The following SNX7 variants were observed in gnomAD, a reference collection of about 807,000 sequenced individuals.
SNX7 encodes the protein sorting nexin 7.
Under a neutral mutation model 48.4 loss-of-function variants are expected in SNX7, and 35 were observed. The observed-to-expected ratio is 0.72, with a 90% confidence interval of 0.55 to 0.96. SNX7 has a LOEUF of 0.96. SNX7 is among the 40% of genes least tolerant of loss of function. The pLI, the probability that SNX7 is intolerant of heterozygous loss-of-function variation, is 0.00. For synonymous variants in SNX7, 190 were observed against 190.2 expected (o/e 1.00, Z 0.01); for missense variants, 553 against 548.9 (o/e 1.01, Z -0.07).
At chr1:98,684,849 C>T in intron 1 of SNX7, 36 bp from the exon 2 acceptor site, 2 of 1,371,374 alleles carry the variant, frequency 1.5e-6, no homozygotes, top group Non-Finnish European at 1.9e-6. Context: ...TTTAATTTTT[C>T]TATTGATACT....
At chr1:98,756,422 G>GTTTTTTT (rs35117249) in intron 8 of SNX7, among the ~76,000 whole-genome samples, 36 of 54,682 alleles carry the variant, frequency 6.6e-4, no homozygotes, top group Non-Finnish European at 8.6e-4. Flanking sequence ...TGCCAGATGA[G>GTTTTTTT]TTTTTTTTTT....
intron 1 of SNX7, among the ~76,000 whole-genome samples, chr1:98,663,242 GTTTC>G (rs1649345477): frequency 8.0e-6 from 1 of 124,298 alleles, no homozygotes; most frequent in Non-Finnish European, 1.6e-5. Flanking sequence ...AATCATCAGG[GTTTC>G]TTTCTGGTTT....
In SNX7 at chr1:98,664,857, A is replaced by G. The variant is rs1262876798; in HGVS notation, c.180+2946A>G. On this transcript the variant is annotated intron_variant, in intron 1 of 8. Coordinates refer to ENST00000306121, the MANE Select transcript of SNX7 (RefSeq NM_015976.5). ...TAGAAGGAAGAGAACAGAACCAATC[A>G]TACAAAAACAGTAAAAATAAAAAAA... Among the ~76,000 whole-genome samples the G allele has an allele frequency of 2.6e-5, 4 of 152,312 alleles. 1 individual carries two copies. Among genetic ancestry groups the G allele is most frequent in the Middle Eastern group, 3.4e-3 (1 of 294 alleles).
chr1:98,663,755 T>C (rs1649396230), intron 1 of SNX7, among the ~76,000 whole-genome samples: 1 of 152,218 alleles, frequency 6.6e-6, no homozygotes, highest in South Asian at 2.1e-4. Flanking sequence ...TTGTATTCTT[T>C]TAAAAGGGGA....
At chr1:98,741,696 G>A (rs1260889410) in intron 8 of SNX7, among the ~76,000 whole-genome samples, 1 of 152,066 alleles carries the variant, frequency 6.6e-6, no homozygotes, top group East Asian at 1.9e-4. Context: ...CTAATGTGAA[G>A]GGATTCTAAA....
intron 7 of SNX7, 28 bp downstream of exon 7, chr1:98,701,931 C>A: frequency 6.7e-7 from 1 of 1,483,842 alleles, no homozygotes; most frequent in Non-Finnish European, 9.3e-7. Context: ...TTGATACAAT[C>A]ATATAGAATT....
At chr1:98,676,042 T>G (rs1650143449) in intron 1 of SNX7, among the ~76,000 whole-genome samples, 1 of 152,132 alleles carries the variant, frequency 6.6e-6, no homozygotes, top group Non-Finnish European at 1.5e-5. Context: ...AGAAAAATAT[T>G]AAACCCAACA....
At chr1:98,728,706 A>C (rs1653325561) in intron 7 of SNX7, among the ~76,000 whole-genome samples, 1 of 152,138 alleles carries the variant, frequency 6.6e-6, no homozygotes, top group Non-Finnish European at 1.5e-5. Context: ...CAAGGGTATT[A>C]CATAATGGTA....
At chr1:98,753,046 A>T (rs1384579576) in intron 8 of SNX7, among the ~76,000 whole-genome samples, 2 of 152,070 alleles carry the variant, frequency 1.3e-5, no homozygotes, top group Non-Finnish European at 2.9e-5. Context: ...GAGATTTATC[A>T]TATAAACACA....
chr1:98,716,496 G>GAAAGGAAGAGCA (rs1214495756), intron 7 of SNX7, among the ~76,000 whole-genome samples: 3 of 152,170 alleles, frequency 2.0e-5, no homozygotes, highest in African/African-American at 7.2e-5. Flanking sequence ...AGAGTTTATA[G>GAAAGGAAGAGCA]TTGCTCTCAA....
At chr1:98,663,055 T>C (rs566144219) in intron 1 of SNX7, among the ~76,000 whole-genome samples, 1 of 152,346 alleles carries the variant, frequency 6.6e-6, no homozygotes, top group East Asian at 1.9e-4. Flanking sequence ...TGTTTAGTTG[T>C]AAACTCTGCC....
chr1:98,690,612 C>G (rs1297869755), intron 2 of SNX7, among the ~76,000 whole-genome samples: 1 of 151,966 alleles, frequency 6.6e-6, no homozygotes, highest in Non-Finnish European at 1.5e-5. Flanking sequence ...TGAGCAAATT[C>G]CAAGAAAACA....
chr1:98,684,097 C>T (rs61309444), intron 1 of SNX7, among the ~76,000 whole-genome samples: 5 of 152,150 alleles, frequency 3.3e-5, no homozygotes, highest in African/African-American at 1.2e-4. Context: ...ATTCTTGAAC[C>T]TTTCTGGCAT....
intron 8 of SNX7, among the ~76,000 whole-genome samples, chr1:98,750,843 A>G (rs185542685): frequency 3.8e-4 from 58 of 152,214 alleles, no homozygotes; most frequent in African/African-American, 1.1e-3. Flanking sequence ...GTTATCTTAT[A>G]AATACCAAAT....
chr1:98,661,669 G>T, upstream of SNX7: 2 of 1,183,632 alleles, frequency 1.7e-6, no homozygotes, highest in South Asian at 8.4e-5. Flanking sequence ...GGAGCCAATG[G>T]GCACGCTCGG....
chr1:98,669,572 C>T (rs568796885), intron 1 of SNX7, among the ~76,000 whole-genome samples: 1 of 152,320 alleles, frequency 6.6e-6, no homozygotes, highest in Non-Finnish European at 1.5e-5. Flanking sequence ...GAGCTGGTTA[C>T]AAATGCAGTC....
chr1:98,686,762 T>C (rs991639993), intron 2 of SNX7, among the ~76,000 whole-genome samples: 11 of 152,158 alleles, frequency 7.2e-5, no homozygotes, highest in African/African-American at 2.7e-4. Context: ...CCTCATAAGG[T>C]CTTTATGAAG....
chr1:98,667,925 AAAAC>A (rs1373544880), intron 1 of SNX7, among the ~76,000 whole-genome samples: 2 of 151,774 alleles, frequency 1.3e-5, no homozygotes, highest in East Asian at 1.9e-4. Flanking sequence ...AAAAACAAAA[AAAAC>A]AAAACAAACA....
chr1:98,693,798 AAAT>A (rs1651276987), intron 4 of SNX7, among the ~76,000 whole-genome samples: 1 of 152,220 alleles, frequency 6.6e-6, no homozygotes, highest in African/African-American at 2.4e-5. Flanking sequence ...ATATTTGGGT[AAAT>A]AATATATAAT....
Sources: allele counts gnomAD v4.1 joint callset (sites outside exome capture counted in the v4.1 genomes callset), GRCh38; gene constraint gnomAD v4.1.1; transcripts MANE v1.5; gene names NCBI Gene and HGNC (gene_info 2026-07-23, HGNC 2026-07-21).